The following PCDHGA12 variants were observed in gnomAD, a reference collection of about 807,000 sequenced individuals.
PCDHGA12 encodes protocadherin gamma-A12.
PCDHGA12 carries 43 observed loss-of-function variants against 61.1 expected under a neutral mutation model. That is an observed-to-expected ratio of 0.70 (90% confidence interval 0.55 to 0.91). The LOEUF is 0.91. Among genes scored for constraint, PCDHGA12 ranks in the 40% least tolerant of loss-of-function variants. PCDHGA12 has a pLI of 0.00. For missense variants in PCDHGA12, 1,236 were observed against 1,227.7 expected (o/e 1.01, Z -0.10); for synonymous variants, 520 against 542.9 (o/e 0.96, Z 0.59).
chr5:141,483,168 C>A (rs750259590), intron 1 of PCDHGA12, among the ~76,000 whole-genome samples: 3 of 152,104 alleles, frequency 2.0e-5, no homozygotes, highest in Non-Finnish European at 4.4e-5. Context: ...CCTGAGTTAC[C>A]TTTGGGCCAA....
intron 1 of PCDHGA12, among the ~76,000 whole-genome samples, chr5:141,465,137 GGGGA>G (rs2099097662): frequency 2.0e-5 from 3 of 151,520 alleles, no homozygotes; most frequent in Non-Finnish European, 4.4e-5. Context: ...AAAAAGTTTA[GGGGA>G]TATATGAAGG....
In PCDHGA12 at chr5:141,486,858, C is replaced by T. The variant is rs2099636039; in HGVS notation, c.2425-7949C>T. The T allele has an allele frequency of 2.5e-6, 4 of 1,614,246 alleles. No homozygotes were observed. The highest frequency in any genetic ancestry group is 1.1e-5 in the South Asian group (1 of 91,088). On this transcript the variant is annotated intron_variant, in intron 1 of 3. Transcript: ENST00000252085. The surrounding 1 kb of genome is among the most constrained non-coding windows in gnomAD (Gnocchi z 5.0). ...TTTGTGCTGGACCTCAATGACAATGCTCCAGCTGTGCTCCGTCCTCGGGCC... is the reference window on the plus strand; with the variant it reads ...TTTGTGCTGGACCTCAATGACAATGTTCCAGCTGTGCTCCGTCCTCGGGCC...
In PCDHGA12 at chr5:141,511,186, G is replaced by T; in HGVS notation, c.*13G>T. On this transcript the variant is annotated 3_prime_UTR_variant, in exon 4 of 4. Transcript: ENST00000252085. ...GGAGAAGAAGTAACATGGAGGCCAG[G>T]CCAAGAGCCACAGGGCGGCCTCTCC... 6.2e-7 allele frequency: 1 copy of T among 1,613,906 alleles called. No individual in the cohort carries two copies. The highest frequency in any genetic ancestry group is 2.2e-5 in the East Asian group (1 of 44,876).
Position 141,430,715 on chromosome 5 carries a change from A to G in PCDHGA12, c.-45A>G, listed in dbSNP as rs1210053402. ...GGGCGAAGGAACTGCTCCTGACTTC[A>G]GTGGTTAAGGGCAGAATTGAAAATA... On this transcript the variant is annotated 5_prime_UTR_variant, in exon 1 of 4. Transcript: ENST00000252085. 3 of 1,483,264 alleles carry G rather than the reference A, an allele frequency of 2.0e-6. No homozygotes were observed. The highest frequency in any genetic ancestry group is 4.7e-5 in the East Asian group (2 of 42,198). The allele number at this position is 1,483,264 out of a possible 1,614,324, so 91.9% of individuals were successfully genotyped here.
chr5:141,480,712 A>G (rs559266864), intron 1 of PCDHGA12, among the ~76,000 whole-genome samples: 13 of 152,306 alleles, frequency 8.5e-5, no homozygotes, highest in African/African-American at 2.9e-4. Context: ...CCGACAAATG[A>G]AAGCACAGTC....
chr5:141,451,978 T>A (rs1329730658), intron 1 of PCDHGA12, among the ~76,000 whole-genome samples: 1 of 152,188 alleles, frequency 6.6e-6, no homozygotes, highest in Non-Finnish European at 1.5e-5. Flanking sequence ...TTTGCTGTAG[T>A]TTGTTCATTA....
At chr5:141,483,988 G>A (rs78891657) in intron 1 of PCDHGA12, among the ~76,000 whole-genome samples, 1,520 of 149,036 alleles carry the variant, frequency 0.01, 30 homozygotes, top group African/African-American at 0.037. Flanking sequence ...TAGCTAGGTT[G>A]CTGGGAGGTC....
Position 141,491,906 on chromosome 5 carries a change from T to A in PCDHGA12, c.2425-2901T>A, listed in dbSNP as rs1490050332. On this transcript the variant is annotated intron_variant, in intron 1 of 3. Transcript: ENST00000252085. The surrounding 1 kb of genome is among the most constrained non-coding windows in gnomAD (Gnocchi z 6.9). ...ATGGGGCTCCGAGCACCGGGGGTGG[T>A]GGCGACTGTGGGCGAGGGGAGGTGG... is the stretch of plus-strand genomic sequence containing the variant. 7.1e-7 allele frequency: 1 copy of A among 1,414,468 alleles called. No individual in the cohort carries two copies. Among genetic ancestry groups the A allele is most frequent in the African/African-American group, 1.4e-5 (1 of 69,002 alleles). 87.6% of individuals were successfully genotyped at this position (1,414,468 alleles called of 1,614,324 possible).
At chr5:141,470,165 G>C (rs559578238) in intron 1 of PCDHGA12, among the ~76,000 whole-genome samples, 1 of 152,276 alleles carries the variant, frequency 6.6e-6, no homozygotes, top group Non-Finnish European at 1.5e-5. Context: ...TCAAATCAAA[G>C]TATGCAAAAT....
rs73794918 is a variant in PCDHGA12, at chr5:141,443,711, A to G, written c.2424+10528A>G. On this transcript the variant is annotated intron_variant, in intron 1 of 3. Coordinates refer to ENST00000252085, the MANE Select transcript of PCDHGA12 (RefSeq NM_003735.3). ...TCAAAAATTATAGAATAACATTTGC[A>G]TATAAAATTCCTCATACATTTCCCT... 9.8e-3 allele frequency among the ~76,000 whole-genome samples: 1,497 copies of G among 152,340 alleles called. 25 individuals are homozygous for G. Among genetic ancestry groups the G allele is most frequent in the African/African-American group, 0.033 (1,382 of 41,580 alleles).
In PCDHGA12 at chr5:141,489,129, T is replaced by G; in HGVS notation, c.2425-5678T>G. On this transcript the variant is annotated intron_variant, in intron 1 of 3. Coordinates refer to ENST00000252085, the MANE Select transcript of PCDHGA12 (RefSeq NM_003735.3). This position sits in a 1 kb window ranked among gnomAD's most constrained non-coding sequence, Gnocchi z 4.5. ...AAGCAGGCAAACCTCCGAGCAGTTT[T>G]TAAGAGGCTGGAAGGAGACATAAGA... 1 of 761,976 alleles carries G rather than the reference T, an allele frequency of 1.3e-6. No homozygotes were observed. The highest frequency in any genetic ancestry group is 2.0e-6 in the Non-Finnish European group (1 of 490,014). The allele number at this position is 761,976 out of a possible 1,614,324, so 47.2% of individuals were successfully genotyped here.
intron 1 of PCDHGA12, among the ~76,000 whole-genome samples, chr5:141,472,352 T>G (rs1364883510): frequency 6.6e-6 from 1 of 151,718 alleles, no homozygotes; most frequent in Non-Finnish European, 1.5e-5. Context: ...CCATCCTGGC[T>G]AACACGGTGA....
At position 141,487,465 on chromosome 5, in the gene PCDHGA12, T is replaced by C. The variant is rs1354086784; in HGVS notation, c.2425-7342T>C. 1.9e-6 allele frequency: 3 copies of C among 1,614,194 alleles called. No individual in the cohort carries two copies. The highest frequency in any genetic ancestry group is 1.7e-6 in the Non-Finnish European group (2 of 1,180,020). Reference sequence around the variant, plus strand: ...CAGATGACCCTATCAAGTTTGTTGATGTGGGAGGCCACTCTCATGGCTGTA... The same window carrying C: ...CAGATGACCCTATCAAGTTTGTTGACGTGGGAGGCCACTCTCATGGCTGTA... On this transcript the variant is annotated intron_variant, in intron 1 of 3. Transcript: ENST00000252085. The surrounding 1 kb of genome is among the most constrained non-coding windows in gnomAD (Gnocchi z 5.0).
In PCDHGA12 at chr5:141,491,354, C is replaced by T. The variant is rs2099710960; in HGVS notation, c.2425-3453C>T. The T allele has an allele frequency of 6.2e-7, 1 of 1,614,166 alleles. No homozygotes were observed. Among genetic ancestry groups the T allele is most frequent in the South Asian group, 1.1e-5 (1 of 91,088 alleles). On this transcript the variant is annotated intron_variant, in intron 1 of 3. Coordinates refer to ENST00000252085, the MANE Select transcript of PCDHGA12 (RefSeq NM_003735.3). This position sits in a 1 kb window ranked among gnomAD's most constrained non-coding sequence, Gnocchi z 6.9. ...GCTCTAGCGACCGTCAGTCTCTTAT[C>T]CCTAGTCACCTTCACCTTTCTGTCA...
chr5:141,501,970 T>C (rs2099812082), intron 2 of PCDHGA12, among the ~76,000 whole-genome samples: 1 of 152,068 alleles, frequency 6.6e-6, no homozygotes. Flanking sequence ...TCCTAACCTC[T>C]GGCATCTGGT....
intron 1 of PCDHGA12, among the ~76,000 whole-genome samples, chr5:141,446,356 A>G (rs73280911): frequency 0.088 from 13,411 of 152,284 alleles, 771 homozygotes; most frequent in African/African-American, 0.16. Flanking sequence ...CTACCATTTG[A>G]TGAGAATGGA....
Position 141,510,985 on chromosome 5 carries a change from G to A in PCDHGA12, c.2611G>A (p.Gly871Ser), listed in dbSNP as rs1278517639. Residue 871 changes from glycine to serine, a missense_variant, in exon 4 of 4, where the codon GGC becomes AGC. Transcript: ENST00000252085. ...DGSSTLGGGA[G>S]TMGLSARYGP... ...GAGCTCCACCCTGGGAGGGGGTGCCGGCACCATGGGATTGAGCGCCCGCTA... is the reference window on the plus strand; with the variant it reads ...GAGCTCCACCCTGGGAGGGGGTGCCAGCACCATGGGATTGAGCGCCCGCTA... 19 of 1,614,090 alleles carry A rather than the reference G, an allele frequency of 1.2e-5. No individual in the cohort carries two copies. The highest frequency in any genetic ancestry group is 2.2e-5 in the East Asian group (1 of 44,880).
At position 141,511,239 on chromosome 5, in the gene PCDHGA12, C is replaced by A; in HGVS notation, c.*66C>A. On this transcript the variant is annotated 3_prime_UTR_variant, in exon 4 of 4. Coordinates refer to ENST00000252085, the MANE Select transcript of PCDHGA12 (RefSeq NM_003735.3). ...AACCAGCCCAGCTTCTCCTTACCTG[C>A]ACCCAGGCCTCAGAGTTTCAGGGCT... 1 of 1,587,938 alleles carries A rather than the reference C, an allele frequency of 6.3e-7. No homozygotes were observed. Among genetic ancestry groups the A allele is most frequent in the Admixed American group, 1.8e-5 (1 of 55,480 alleles).
Position 141,511,225 on chromosome 5 carries a change from C to A in PCDHGA12, c.*52C>A. ...GGCGGCCTCTCCCCAACCAGCCCAG[C>A]TTCTCCTTACCTGCACCCAGGCCTC... On this transcript the variant is annotated 3_prime_UTR_variant, in exon 4 of 4. Transcript: ENST00000252085. The A allele has an allele frequency of 6.2e-7, 1 of 1,601,624 alleles. No individual in the cohort carries two copies. Among genetic ancestry groups the A allele is most frequent in the Non-Finnish European group, 8.5e-7 (1 of 1,174,162 alleles).
Sources: allele counts gnomAD v4.1 joint callset (sites outside exome capture counted in the v4.1 genomes callset), GRCh38; gene constraint gnomAD v4.1.1; non-coding constraint Gnocchi (gnomAD v3.1); transcripts MANE v1.5; gene names NCBI Gene and HGNC (gene_info 2026-07-23, HGNC 2026-07-21).